PEBP4: variants seen among roughly 807,000 people sequenced by gnomAD.
The protein encoded by PEBP4 is phosphatidylethanolamine-binding protein 4.
Under a neutral mutation model 23.9 loss-of-function variants are expected in PEBP4, and 22 were observed. The observed-to-expected ratio is 0.92, with a 90% CI of 0.66 to 1.31. PEBP4 has a LOEUF of 1.31. Ranked by LOEUF, PEBP4 falls within the 40% of genes most tolerant of loss-of-function variation. The probability of loss-of-function intolerance (pLI) is 0.00; values close to 1 mark genes in which losing one functional copy is unlikely to be tolerated. For synonymous variants in PEBP4, 112 were observed against 99.3 expected (o/e 1.13, Z -0.76); for missense variants, 324 against 281.7 (o/e 1.15, Z -1.07).
Position 22,713,378 on chromosome 8 carries a change from C to G in PEBP4, c.676G>C (p.Ala226Pro). 6.3e-7 allele frequency: 1 copy of G among 1,583,628 alleles called. No homozygotes were observed. Among genetic ancestry groups the G allele is most frequent in the Non-Finnish European group, 8.6e-7 (1 of 1,166,442 alleles). The change falls in exon 7 of 7, where the codon GCC becomes CCC. Residue 226 changes from alanine (A) to proline (P), a missense_variant. Physicochemically the swap from Ala to Pro is conservative, Grantham distance 27. Coordinates refer to ENST00000256404, the MANE Select transcript of PEBP4 (RefSeq NM_144962.3). ...ATGGCAAAGCCGGCTATCTAGCAGG[C>G]AGCTATCTCCGCCTGGTTTTTGTGC... is the stretch of plus-strand genomic sequence containing the variant. Reference protein sequence around the residue: ...PKHKNQAEIAAC With the variant: ...PKHKNQAEIAPC
At chr8:22,873,577 A>T (rs1267208004) in intron 3 of PEBP4, among the ~76,000 whole-genome samples, 1 of 152,186 alleles carries the variant, frequency 6.6e-6, no homozygotes, top group Non-Finnish European at 1.5e-5. Context: ...GGCTGCAGTG[A>T]GCCGTGATTG....
intron 4 of PEBP4, among the ~76,000 whole-genome samples, chr8:22,742,201 C>T (rs1805009815): frequency 6.6e-6 from 1 of 152,208 alleles, no homozygotes; most frequent in Non-Finnish European, 1.5e-5. Context: ...AGTTAATTGC[C>T]CTGGCATCTG....
intron 3 of PEBP4, among the ~76,000 whole-genome samples, chr8:22,840,407 A>ATT (rs112350964): frequency 1.8e-3 from 259 of 141,576 alleles, no homozygotes; most frequent in Non-Finnish European, 1.7e-3. Context: ...TCTTCTTTTA[A>ATT]TTTTTTTTTT....
intron 3 of PEBP4, among the ~76,000 whole-genome samples, chr8:22,881,828 G>A (rs1183336210): frequency 1.3e-5 from 2 of 152,228 alleles, no homozygotes; most frequent in African/African-American, 4.8e-5. Flanking sequence ...GTGTGGCCGT[G>A]AGCAGGTGGG....
At chr8:22,752,528 A>G (rs1387794752) in intron 4 of PEBP4, among the ~76,000 whole-genome samples, 1 of 152,174 alleles carries the variant, frequency 6.6e-6, no homozygotes, top group Non-Finnish European at 1.5e-5. Flanking sequence ...CTCTCACCCA[A>G]AGTCATATAC....
intron 4 of PEBP4, among the ~76,000 whole-genome samples, chr8:22,807,221 G>A (rs927423567): frequency 1.3e-5 from 2 of 152,142 alleles, no homozygotes; most frequent in African/African-American, 4.8e-5. Context: ...AGGGTTTTTT[G>A]TAAGAGGGGA....
At chr8:22,812,529 T>G (rs940642260) in intron 4 of PEBP4, among the ~76,000 whole-genome samples, 1 of 152,156 alleles carries the variant, frequency 6.6e-6, no homozygotes, top group Non-Finnish European at 1.5e-5. Context: ...AGTCACGCCT[T>G]TTAGCTGCTT....
At chr8:22,817,222 G>T (rs141475559) in intron 4 of PEBP4, among the ~76,000 whole-genome samples, 36 of 152,322 alleles carry the variant, frequency 2.4e-4, no homozygotes, top group African/African-American at 8.4e-4. Context: ...GGCCGGTTCT[G>T]CCACCTGCAC....
intron 3 of PEBP4, among the ~76,000 whole-genome samples, chr8:22,830,229 A>T (rs977120360): frequency 7.3e-5 from 11 of 150,110 alleles, no homozygotes; most frequent in South Asian, 4.2e-4. Flanking sequence ...TCCTGGGTTC[A>T]AGTGATTCCC....
intron 3 of PEBP4, chr8:22,888,110 T>C (rs1027669573): frequency 3.9e-5 from 6 of 152,054 alleles, no homozygotes; most frequent in African/African-American, 1.2e-4. Flanking sequence ...ACATAACTTA[T>C]TGGATGCAGG....
chr8:22,872,478 G>A (rs1409789849), intron 3 of PEBP4, among the ~76,000 whole-genome samples: 1 of 152,232 alleles, frequency 6.6e-6, no homozygotes, highest in Non-Finnish European at 1.5e-5. Context: ...TCTGGGACTT[G>A]CCAGGGCCAT....
At position 22,824,386 on chromosome 8, in the gene PEBP4, G is replaced by A. The variant is rs549812313; in HGVS notation, c.259-6651C>T. 2.2e-3 allele frequency among the ~76,000 whole-genome samples: 339 copies of A among 152,052 alleles called. 2 individuals carry two copies. The highest frequency in any genetic ancestry group is 3.5e-3 in the Non-Finnish European group (235 of 67,984). ...CTCCCTCCCTGCCCTGATGTTCCCC[G>A]TGGCCCCTCCTGTCCCTAACCCTAC... is the stretch of plus-strand genomic sequence containing the variant. On this transcript the variant is annotated intron_variant, in intron 3 of 6. Transcript: ENST00000256404.
At chr8:22,790,555 C>T (rs1013527708) in intron 4 of PEBP4, among the ~76,000 whole-genome samples, 5 of 152,096 alleles carry the variant, frequency 3.3e-5, no homozygotes, top group African/African-American at 7.2e-5. Flanking sequence ...AGGGATATCT[C>T]GGCCTTGCTG....
At chr8:22,920,393 G>T in intron 2 of PEBP4, 83 bp from the exon 3 acceptor site, 2 of 1,433,866 alleles carry the variant, frequency 1.4e-6, no homozygotes, top group Non-Finnish European at 1.9e-6. Flanking sequence ...AGCACTATTG[G>T]GAATGTAAAG....
intron 3 of PEBP4, among the ~76,000 whole-genome samples, chr8:22,918,993 G>A (rs1384677493): frequency 6.6e-6 from 1 of 152,134 alleles, no homozygotes; most frequent in African/African-American, 2.4e-5. Flanking sequence ...AAGGGTGTTT[G>A]TCGTGTTTGC....
At chr8:22,799,608 G>C (rs902890836) in intron 4 of PEBP4, among the ~76,000 whole-genome samples, 2 of 152,186 alleles carry the variant, frequency 1.3e-5, no homozygotes, top group African/African-American at 4.8e-5. Flanking sequence ...CAACGTGCAG[G>C]TTTGTTACAT....
chr8:22,789,350 C>T (rs559322679), intron 4 of PEBP4, among the ~76,000 whole-genome samples: 72 of 152,058 alleles, frequency 4.7e-4, no homozygotes, highest in Non-Finnish European at 8.4e-4. Context: ...TTTTTTGAGA[C>T]GAAGAAATTC....
intron 3 of PEBP4, among the ~76,000 whole-genome samples, chr8:22,909,940 G>A (rs1808901366): frequency 2.0e-5 from 3 of 152,196 alleles, no homozygotes; most frequent in Admixed American, 2.0e-4. Flanking sequence ...GAGTGGGTGG[G>A]AAAAAGGCTA....
At chr8:22,921,627 C>T (rs1216944841) in intron 2 of PEBP4, among the ~76,000 whole-genome samples, 1 of 152,190 alleles carries the variant, frequency 6.6e-6, no homozygotes, top group Non-Finnish European at 1.5e-5. Flanking sequence ...GGGCCAGCGC[C>T]CCCAGTGCCA....
Sources: allele counts gnomAD v4.1 joint callset (sites outside exome capture counted in the v4.1 genomes callset), GRCh38; gene constraint gnomAD v4.1.1; transcripts MANE v1.5; gene names NCBI Gene and HGNC (gene_info 2026-07-23, HGNC 2026-07-21).